NPR1: variants seen among roughly 807,000 people sequenced by gnomAD.
NPR1 encodes the protein natriuretic peptide receptor 1.
In NPR1, 57 loss-of-function variants were observed where a neutral mutation model predicts 116.9. That is an observed-to-expected ratio of 0.49 (90% CI 0.39 to 0.61). The LOEUF is 0.61. Among genes scored for constraint, NPR1 ranks in the 20% least tolerant of loss-of-function variants. The pLI is 0.00. For missense variants in NPR1, 1,096 were observed against 1,409.8 expected, an observed-to-expected ratio of 0.78 and a Z score of 3.56; for synonymous variants, 555 against 601.6, an observed-to-expected ratio of 0.92 and a Z score of 1.13.
At position 153,680,644 on chromosome 1, in the gene NPR1, C is replaced by G. The variant is rs768648968; in HGVS notation, c.865C>G (p.Arg289Gly). The change falls in exon 2 of 22, where the codon CGC becomes GGC. Residue 289 changes from arginine to glycine, a missense_variant. Transcript: ENST00000368680. The part of the protein sequence containing the change: ...SLQGGQGPAP[R>G]RPWERGDGQD... ...GCAAGGTGGACAGGGCCCTGCTCCC[C>G]GCAGGCCCTGGGAGAGAGGGGATGG... 3.1e-6 allele frequency: 5 copies of G among 1,614,142 alleles called. No individual in the cohort carries two copies. The South Asian group carries it at 5.5e-5, about 18-fold the overall frequency.
chr1:153,687,400 C>G (rs1669962087), intron 13 of NPR1, 44 bp downstream of exon 13: 11 of 1,598,802 alleles, frequency 6.9e-6, no homozygotes, highest in Non-Finnish European at 8.5e-6. Flanking sequence ...CCAGCACCAC[C>G]CAGTAGGGAG....
chr1:153,693,022 C>G (rs1465100502), intron 20 of NPR1, 84 bp from the exon 21 acceptor site: 26 of 1,114,416 alleles, frequency 2.3e-5, no homozygotes, highest in Non-Finnish European at 2.7e-5. Flanking sequence ...TGTCCACCCC[C>G]ACAGTCCCTG....
intron 20 of NPR1, among the ~76,000 whole-genome samples, chr1:153,691,567 C>T (rs936214671): frequency 3.9e-5 from 6 of 152,090 alleles, no homozygotes; most frequent in African/African-American, 1.4e-4. Flanking sequence ...AGTACAGCCC[C>T]TTGTTGAGGG....
rs1001658927 is a variant in NPR1 at position 153,679,145 on chromosome 1, C to T, written c.37C>T (p.Arg13Cys). Residue 13 changes from arginine to cysteine, a missense_variant, in exon 1 of 22, where the codon CGC becomes TGC. Transcript: ENST00000368680. This position sits in a 1 kb window ranked among gnomAD's most constrained non-coding sequence, Gnocchi z 4.2. ...GPRRPAGSRL[R>C]LLLLLLLPPL... ...CCGGCGCCCCGCTGGCTCCCGCCTG[C>T]GCCTGCTCCTGCTCCTGCTGCTGCC... 1.4e-6 allele frequency: 2 copies of T among 1,473,400 alleles called. No homozygotes were observed. Among genetic ancestry groups the T allele is most frequent in the Non-Finnish European group, 1.8e-6 (2 of 1,121,204 alleles). The allele number at this position is 1,473,400 out of a possible 1,614,324, so 91.3% of individuals were successfully genotyped here.
In NPR1 at chr1:153,689,867, T is replaced by G. The variant is rs972741675; in HGVS notation, c.2819T>G (p.Leu940Arg). 1 of 1,592,784 alleles carries G rather than the reference T, an allele frequency of 6.3e-7. No individual in the cohort carries two copies. Among genetic ancestry groups the G allele is most frequent in the Admixed American group, 1.7e-5 (1 of 58,056 alleles). ...VSGLPVRNGR[L>R]HACEVARMAL... Reference sequence around the variant, plus strand: ...GGGCTCCCTGTGCGGAACGGGCGGCTACACGCCTGCGAGGTAGCCCGCATG... The same window carrying G: ...GGGCTCCCTGTGCGGAACGGGCGGCGACACGCCTGCGAGGTAGCCCGCATG... The change falls in exon 19 of 22, where the codon CTA becomes CGA. Residue 940 changes from leucine to arginine, a missense_variant. Coordinates refer to ENST00000368680, the MANE Select transcript of NPR1 (RefSeq NM_000906.4). The surrounding 1 kb of genome is among the most constrained non-coding windows in gnomAD (Gnocchi z 5.1).
At position 153,679,839 on chromosome 1, in the gene NPR1, T is replaced by C. The variant is rs1385043464; in HGVS notation, c.721+10T>C. 2.0e-6 allele frequency: 3 copies of C among 1,536,242 alleles called. No homozygotes were observed. Among genetic ancestry groups the C allele is most frequent in the East Asian group, 4.9e-5 (2 of 40,872 alleles). On this transcript the variant is annotated intron_variant, in intron 1 of 21. Transcript: ENST00000368680. The surrounding 1 kb of genome is among the most constrained non-coding windows in gnomAD (Gnocchi z 4.2). ...CCGCGCAAAGGCCGAGGTGAGACGC[T>C]GGCACACCCCGTCCCGCCGCTTAGC...
rs1470488755 is a variant in NPR1 at position 153,685,788 on chromosome 1, T to G, written c.1606-18T>G. 2.5e-6 allele frequency: 4 copies of G among 1,610,770 alleles called. No individual in the cohort carries two copies. The East Asian group carries it at 8.9e-5, about 36-fold the overall frequency. ...GGGCCCACCGGCTGACCATTCCTCC[T>G]GCTCTCCCTCCTTTCAGAGAGGCTC... On this transcript the variant is annotated intron_variant, in intron 8 of 21. Transcript: ENST00000368680.
At chr1:153,683,227 G>T in intron 5 of NPR1, 149 bp from the exon 6 acceptor site, 5 of 792,862 alleles carry the variant, frequency 6.3e-6, no homozygotes, top group Non-Finnish European at 9.8e-6. Flanking sequence ...GTGTCCAGTT[G>T]CAGTGGGGAC....
chr1:153,686,893 G>T, intron 11 of NPR1, 123 bp from the exon 12 acceptor site: 1 of 1,257,806 alleles, frequency 8.0e-7, no homozygotes. Context: ...GAAGGGCAGT[G>T]GCACTAGAGT....
intron 11 of NPR1, 53 bp from the exon 12 acceptor site, chr1:153,686,963 C>T: frequency 1.3e-6 from 2 of 1,589,808 alleles, no homozygotes; most frequent in East Asian, 2.2e-5. Flanking sequence ...CACCCTCCTC[C>T]AACTCCCAGG....
intron 20 of NPR1, among the ~76,000 whole-genome samples, chr1:153,691,757 G>A (rs1670114078): frequency 6.6e-6 from 1 of 151,976 alleles, no homozygotes; most frequent in Non-Finnish European, 1.5e-5. Context: ...AAATTAGCTG[G>A]GCGTGGTGGC....
Position 153,679,848 on chromosome 1 carries a change from C to A in NPR1, c.721+19C>A. On this transcript the variant is annotated intron_variant, in intron 1 of 21. Transcript: ENST00000368680. The surrounding 1 kb of genome is among the most constrained non-coding windows in gnomAD (Gnocchi z 4.2). ...GGCCGAGGTGAGACGCTGGCACACC[C>A]CGTCCCGCCGCTTAGCCGCAGGGCC... 1 of 1,533,718 alleles carries A rather than the reference C, an allele frequency of 6.5e-7. No individual in the cohort carries two copies. Among genetic ancestry groups the A allele is most frequent in the South Asian group, 1.2e-5 (1 of 83,840 alleles).
chr1:153,679,638 G>T lies in NPR1; in HGVS notation c.530G>T (p.Gly177Val), dbSNP rs761951525. ...GTGGCGGCGCTGCACCGACGGCTGG[G>T]CTGGGAGCGCCAAGCGCTCATGCTC... ...DFVAALHRRLGWERQALMLYA... is the reference protein window; with the variant it reads ...DFVAALHRRLVWERQALMLYA... The change falls in exon 1 of 22, where the codon GGC becomes GTC. Residue 177 changes from glycine (G) to valine (V), a missense_variant. Transcript: ENST00000368680. The surrounding 1 kb of genome is among the most constrained non-coding windows in gnomAD (Gnocchi z 4.2). 6.3e-7 allele frequency: 1 copy of T among 1,598,962 alleles called. No individual in the cohort carries two copies. Among genetic ancestry groups the T allele is most frequent in the East Asian group, 2.3e-5 (1 of 44,380 alleles).
chr1:153,679,172 C>T lies in NPR1; in HGVS notation c.64C>T (p.Pro22Ser). The stretch of plus-strand genomic sequence containing the variant: ...CCTGCTCCTGCTCCTGCTGCTGCCG[C>T]CGCTGCTGCTGCTGCTCCGGGGCAG... ...LRLLLLLLLP[P>S]LLLLLRGSHA... is the part of the protein sequence containing the mutation. The change falls in exon 1 of 22, where the codon CCG (proline) becomes TCG (serine). Residue 22 changes from proline (P) to serine (S), a missense_variant. By Grantham distance (74) the Pro-to-Ser change is moderately conservative. Transcript: ENST00000368680. The surrounding 1 kb of genome is among the most constrained non-coding windows in gnomAD (Gnocchi z 4.2). 1 of 1,503,590 alleles carries T rather than the reference C, an allele frequency of 6.7e-7. No individual in the cohort carries two copies. The highest frequency in any genetic ancestry group is 8.8e-7 in the Non-Finnish European group (1 of 1,132,570). The allele number at this position is 1,503,590 out of a possible 1,614,324, so 93.1% of individuals were successfully genotyped here. A position where few individuals can be genotyped will look rare whatever the true frequency, so the allele number is the denominator to read the frequency against.
chr1:153,685,947 T>A (rs920213831), intron 9 of NPR1, 67 bp downstream of exon 9: 2 of 1,498,506 alleles, frequency 1.3e-6, no homozygotes, highest in African/African-American at 2.8e-5. Flanking sequence ...GGAGGACTGG[T>A]GGGGGGTTCT....
intron 9 of NPR1, 44 bp from the exon 10 acceptor site, chr1:153,686,079 T>C (rs773612543): frequency 1.5e-5 from 24 of 1,594,918 alleles, no homozygotes; most frequent in African/African-American, 1.1e-4. Context: ...TCCCAGGACA[T>C]GGGACCATGC....
In NPR1 at chr1:153,688,188, A is replaced by T. The variant is rs755530420; in HGVS notation, c.2384A>T (p.Gln795Leu). ...GACCCACAGGAGAGGCCACCATTCCAGCAGATCCGCCTGACGTTGCGCAAA... is the reference window on the plus strand; with the variant it reads ...GACCCACAGGAGAGGCCACCATTCCTGCAGATCCGCCTGACGTTGCGCAAA... ...AEDPQERPPF[Q>L]QIRLTLRKFN... is the part of the protein sequence containing the mutation. The change falls in exon 15 of 22, where the codon CAG becomes CTG. Residue 795 changes from glutamine to leucine, a missense_variant. By Grantham distance (113) the Gln-to-Leu change is moderately radical (BLOSUM62 -2). Transcript: ENST00000368680. 11 of 1,613,694 alleles carry T rather than the reference A, an allele frequency of 6.8e-6. No homozygotes were observed. In the Admixed American group the frequency reaches 1.8e-4, roughly 27 times the overall value.
At position 153,679,463 on chromosome 1, in the gene NPR1, G is replaced by A; in HGVS notation, c.355G>A (p.Val119Met). The A allele has an allele frequency of 6.5e-7, 1 of 1,541,432 alleles. No homozygotes were observed. Among genetic ancestry groups the A allele is most frequent in the Non-Finnish European group, 8.7e-7 (1 of 1,148,032 alleles). The change falls in exon 1 of 22, where the codon GTG (valine) becomes ATG (methionine). Residue 119 changes from valine to methionine, a missense_variant. Physicochemically the swap from Val to Met is conservative, Grantham distance 21. Transcript: ENST00000368680. This position sits in a 1 kb window ranked among gnomAD's most constrained non-coding sequence, Gnocchi z 4.2. ...NPAVFLGPGC[V>M]YAAAPVGRFT... Reference sequence around the variant, plus strand: ...CGCTGTGTTCCTGGGCCCCGGCTGCGTGTACGCCGCCGCCCCAGTGGGGCG... The same window carrying A: ...CGCTGTGTTCCTGGGCCCCGGCTGCATGTACGCCGCCGCCCCAGTGGGGCG...
chr1:153,681,578 G>T, intron 3 of NPR1, 126 bp from the exon 4 acceptor site: 1 of 980,490 alleles, frequency 1.0e-6, no homozygotes. Context: ...ATCTCCCTGT[G>T]ATATAGGGGT....
Sources: gnomAD v4.1 joint callset for allele counts (sites outside exome capture counted in the v4.1 genomes callset) on GRCh38, gnomAD v4.1.1 for gene constraint, Gnocchi (gnomAD v3.1) non-coding constraint, MANE v1.5 for transcripts, NCBI Gene and HGNC (gene_info 2026-07-23, HGNC 2026-07-21) for gene names.